Variants in DOCK2 observed in about 807,000 individuals in gnomAD.
DOCK2 encodes dedicator of cytokinesis protein 2.
A neutral mutation model predicts 248.9 loss-of-function variants in DOCK2; 87 were observed. That is an observed-to-expected ratio of 0.35 (90% CI 0.29 to 0.42). The LOEUF (loss-of-function observed/expected upper bound fraction) is 0.42. DOCK2 is among the 10% of genes least tolerant of loss of function. DOCK2 has a pLI of 1.00. For synonymous variants in DOCK2, 805 were observed against 821.6 expected, an observed-to-expected ratio of 0.98 and a Z score of 0.35; for missense variants, 1,747 against 2,300.2, an observed-to-expected ratio of 0.76 and a Z score of 4.92.
intron 26 of DOCK2, among the ~76,000 whole-genome samples, chr5:169,822,996 A>G (rs1482209726): frequency 6.6e-6 from 1 of 152,244 alleles, no homozygotes; most frequent in Non-Finnish European, 1.5e-5. Flanking sequence ...AACCACCTCT[A>G]TGCAAATAAA....
Position 169,810,989 on chromosome 5 carries a change from T to TCACACACACACACA in DOCK2, c.2703+7805_2703+7818dup, listed in dbSNP as rs55987604. On this transcript the variant is annotated intron_variant, in intron 26 of 51. Transcript: ENST00000520908. ...CACACAGACTCTCTCTCTCTCTCTC[T>TCACACACACACACA]CACACACACACACACACACACACAC... Among the ~76,000 whole-genome samples the TCACACACACACACA allele has an allele frequency of 5.1e-5, 5 of 97,218 alleles. No homozygotes were observed. The East Asian group carries it at 1.2e-3, about 23-fold the overall frequency. 63.8% of individuals were successfully genotyped at this position (97,218 alleles called of 152,430 possible). A position where few individuals can be genotyped will look rare whatever the true frequency, so the allele number is the denominator to read the frequency against.
intron 25 of DOCK2, among the ~76,000 whole-genome samples, chr5:169,773,950 T>C (rs971698977): frequency 7.2e-5 from 11 of 152,338 alleles, no homozygotes; most frequent in African/African-American, 9.6e-5. Flanking sequence ...TTTTGCCCCC[T>C]GCCATTATTG....
chr5:169,804,467 T>TGTGTGTGTGC, intron 26 of DOCK2, among the ~76,000 whole-genome samples: 1 of 82,020 alleles, frequency 1.2e-5, no homozygotes, highest in Non-Finnish European at 3.1e-5. Flanking sequence ...TGTGTGTGTG[T>TGTGTGTGTGC]GTGTGTGTGT....
At chr5:169,834,629 A>G (rs113537911) in intron 26 of DOCK2, among the ~76,000 whole-genome samples, 32 of 121,414 alleles carry the variant, frequency 2.6e-4, no homozygotes, top group African/African-American at 3.9e-4. Context: ...TCCCAACCAG[A>G]TCACCCTGTA....
chr5:169,997,399 T>C (rs918994370), intron 30 of DOCK2, among the ~76,000 whole-genome samples: 2 of 148,266 alleles, frequency 1.3e-5, no homozygotes, highest in African/African-American at 5.1e-5. Context: ...CCTCTTTTAC[T>C]AATCCTCCTC....
intron 30 of DOCK2, among the ~76,000 whole-genome samples, chr5:170,006,640 GT>G (rs768622430): frequency 6.6e-6 from 1 of 152,122 alleles, no homozygotes; most frequent in African/African-American, 2.4e-5. Flanking sequence ...AGAGCAGTTT[GT>G]TTTTTTGGGC....
intron 27 of DOCK2, among the ~76,000 whole-genome samples, chr5:169,927,292 T>C (rs1276554604): frequency 6.6e-6 from 1 of 152,076 alleles, no homozygotes; most frequent in Non-Finnish European, 1.5e-5. Flanking sequence ...TAGGCCACAG[T>C]AAGGGGGTTG....
chr5:169,722,015 T>G (rs1374683860), intron 22 of DOCK2, among the ~76,000 whole-genome samples: 3 of 152,186 alleles, frequency 2.0e-5, no homozygotes, highest in African/African-American at 4.8e-5. Flanking sequence ...GGCAGTCTTA[T>G]GAGTAATTCC....
chr5:170,074,263 TTC>T (rs1227635724), intron 46 of DOCK2, among the ~76,000 whole-genome samples: 12 of 152,352 alleles, frequency 7.9e-5, no homozygotes, highest in African/African-American at 2.6e-4. Flanking sequence ...TCCAAATTCA[TTC>T]TGTTTTTTCT....
chr5:170,015,337 C>A (rs1755479592), intron 32 of DOCK2, among the ~76,000 whole-genome samples: 1 of 152,124 alleles, frequency 6.6e-6, no homozygotes, highest in African/African-American at 2.4e-5. Context: ...AAGCACAATA[C>A]CACACAACCA....
intron 34 of DOCK2, among the ~76,000 whole-genome samples, chr5:170,030,137 C>A (rs1479367540): frequency 2.6e-5 from 4 of 152,188 alleles, no homozygotes; most frequent in Admixed American, 2.6e-4. Flanking sequence ...ACAGTGCTGG[C>A]AATTTCCATT....
chr5:169,969,266 A>G (rs1189245474), intron 27 of DOCK2, among the ~76,000 whole-genome samples: 1 of 152,026 alleles, frequency 6.6e-6, no homozygotes, highest in Non-Finnish European at 1.5e-5. Flanking sequence ...CCAATATGGT[A>G]AAACACCATC....
At chr5:169,750,286 G>C (rs1432571641) in intron 23 of DOCK2, among the ~76,000 whole-genome samples, 2 of 152,214 alleles carry the variant, frequency 1.3e-5, no homozygotes, top group Non-Finnish European at 2.9e-5. Flanking sequence ...AAGGGAGAGA[G>C]ACAGTAAGAA....
intron 28 of DOCK2, among the ~76,000 whole-genome samples, chr5:169,983,512 C>T (rs1043895737): frequency 1.3e-5 from 2 of 152,182 alleles, no homozygotes; most frequent in African/African-American, 2.4e-5. Context: ...AGTAAGTGCT[C>T]AGTAAAATAT....
intron 29 of DOCK2, among the ~76,000 whole-genome samples, chr5:169,991,611 T>A (rs1778207871): frequency 6.6e-6 from 1 of 152,234 alleles, no homozygotes; most frequent in African/African-American, 2.4e-5. Flanking sequence ...CAAGACTGCT[T>A]TGAGTCACGT....
intron 29 of DOCK2, among the ~76,000 whole-genome samples, chr5:169,992,195 T>A (rs749406371): frequency 6.6e-6 from 1 of 152,126 alleles, no homozygotes; most frequent in Non-Finnish European, 1.5e-5. Context: ...AACTCAGAGA[T>A]ATGTGAGCAT....
At chr5:170,017,606 G>C (rs897206490) in intron 32 of DOCK2, among the ~76,000 whole-genome samples, 1 of 152,132 alleles carries the variant, frequency 6.6e-6, no homozygotes, top group Non-Finnish European at 1.5e-5. Flanking sequence ...ATTGTCCTGG[G>C]CAGTTGCTAA....
chr5:169,647,115 A>T (rs1471894158), intron 1 of DOCK2, among the ~76,000 whole-genome samples: 2 of 152,244 alleles, frequency 1.3e-5, no homozygotes, highest in Non-Finnish European at 2.9e-5. Context: ...TAGAGCTGCC[A>T]TCATCCCCTT....
In DOCK2 at chr5:169,674,357, A is replaced by G; in HGVS notation, c.382A>G (p.Arg128Gly). The change falls in exon 6 of 52, where the codon AGG becomes GGG. Residue 128 changes from arginine (R) to glycine (G), a missense_variant. Arg to Gly is a moderately radical substitution (Grantham distance 125, BLOSUM62 -2). Around this residue, in one of 4 missense-constraint regions of DOCK2, gnomAD observed 375 missense variants for 510.9 expected, o/e 0.73. Coordinates refer to ENST00000520908, the MANE Select transcript of DOCK2 (RefSeq NM_004946.3). ...QSMMYDLMEW[R>G]SQLLSGTLPK... ...CATGATGTACGATCTGATGGAGTGG[A>G]GGTCCCAGCTTCTCTCAGGAACCTT... is the stretch of plus-strand genomic sequence containing the variant. 1 of 1,614,152 alleles carries G rather than the reference A, an allele frequency of 6.2e-7. No homozygotes were observed. The highest frequency in any genetic ancestry group is 8.5e-7 in the Non-Finnish European group (1 of 1,180,006).
Sources: gnomAD v4.1 joint callset for allele counts (sites outside exome capture counted in the v4.1 genomes callset) on GRCh38, gnomAD v4.1.1 for gene constraint, gnomAD v4.1.1 regional missense constraint, MANE v1.5 for transcripts, NCBI Gene and HGNC (gene_info 2026-07-23, HGNC 2026-07-21) for gene names.